Variants in STARD8 observed in about 807,000 individuals in gnomAD.
STARD8 encodes the protein stAR-related lipid transfer protein 8.
A neutral mutation model predicts 69.4 loss-of-function variants in STARD8; 25 were observed. The observed-to-expected ratio is 0.36, with a 90% CI of 0.26 to 0.50. The LOEUF (loss-of-function observed/expected upper bound fraction) is 0.50. STARD8 is among the 20% of genes least tolerant of loss of function. The pLI, the probability that STARD8 is intolerant of heterozygous loss-of-function variation, is 0.96. For missense variants in STARD8, 921 were observed against 932.5 expected, an observed-to-expected ratio of 0.99 and a Z score of 0.16; for synonymous variants, 389 against 374.6, an observed-to-expected ratio of 1.04 and a Z score of -0.45.
chrX:68,683,552 G>A (rs2079812871), intron 2 of STARD8, among the ~76,000 whole-genome samples: 1 of 112,036 alleles, frequency 8.9e-6, no homozygotes, highest in Non-Finnish European at 1.9e-5. Flanking sequence ...GAAGGTATTA[G>A]ACCGGTATGT....
chrX:68,723,055 C>T (rs2080165591), intron 12 of STARD8, among the ~76,000 whole-genome samples: 1 of 112,538 alleles, frequency 8.9e-6, no homozygotes, highest in South Asian at 3.7e-4. Flanking sequence ...TGTGTTCCTC[C>T]TCCATTCAGA....
intron 1 of STARD8, among the ~76,000 whole-genome samples, chrX:68,652,305 G>T (rs2079553096): frequency 9.0e-6 from 1 of 110,943 alleles, no homozygotes; most frequent in African/African-American, 3.3e-5. Flanking sequence ...AGGGTCTCAG[G>T]TCCAGTCTGC....
Position 68,719,218 on chromosome X carries a change from C to A in STARD8, c.1716-7C>A. ...GCTTCTCCACCCCTCTCACCGCCCC[C>A]CACCAGGAAGCTCCGTTGGCATAGC... is the stretch of plus-strand genomic sequence containing the variant. On this transcript the variant is annotated splice_region_variant and splice_polypyrimidine_tract_variant and intron_variant, in intron 6 of 14. Coordinates refer to ENST00000374599, the MANE Select transcript of STARD8 (RefSeq NM_001142503.3). 1 of 1,174,700 alleles carries A rather than the reference C, an allele frequency of 8.5e-7. No homozygotes were observed. The highest frequency in any genetic ancestry group is 1.1e-6 in the Non-Finnish European group (1 of 875,761).
intron 2 of STARD8, among the ~76,000 whole-genome samples, chrX:68,668,140 T>TC (rs2079700725): frequency 9.7e-6 from 1 of 103,524 alleles, no homozygotes; most frequent in East Asian, 3.1e-4. Flanking sequence ...TTTCTCTTTC[T>TC]TTTCTTTCTT....
chrX:68,670,253 T>C (rs753794593), intron 2 of STARD8, among the ~76,000 whole-genome samples: 10 of 112,105 alleles, frequency 8.9e-5, no homozygotes, highest in Admixed American at 8.5e-4. Context: ...CTCTGCCCCA[T>C]GGGCCTCAGT....
At chrX:68,720,752 CCTT>C (rs2080140763) in intron 8 of STARD8, among the ~76,000 whole-genome samples, 169 bp from the exon 9 acceptor site, 1 of 112,001 alleles carries the variant, frequency 8.9e-6, no homozygotes, top group Non-Finnish European at 1.9e-5. Flanking sequence ...CTGTAAAAAT[CCTT>C]CTCTTTGGTT....
chrX:68,723,686 G>C lies in STARD8; in HGVS notation c.2860G>C (p.Ala954Pro), dbSNP rs1182130649. 7 of 1,198,475 alleles carry C rather than the reference G, an allele frequency of 5.8e-6. No homozygotes were observed. Among genetic ancestry groups the C allele is most frequent in the African/African-American group, 1.7e-5 (1 of 57,630 alleles). The change falls in exon 13 of 15, where the codon GCT (alanine) becomes CCT (proline). Residue 954 changes from alanine (A) to proline (P), a missense_variant. Physicochemically the swap from Ala to Pro is conservative, Grantham distance 27 (BLOSUM62 -1). Transcript: ENST00000374599. Reference protein sequence around the residue: ...KASTEVAAPPAVVLHRVLRER... With the variant: ...KASTEVAAPPPVVLHRVLRER... The stretch of plus-strand genomic sequence containing the variant: ...ATCCACAGAGGTGGCAGCCCCCCCA[G>C]CTGTGGTGCTGCATCGTGTTCTCCG...
intron 2 of STARD8, among the ~76,000 whole-genome samples, chrX:68,672,266 C>G (rs771249912): frequency 6.3e-5 from 7 of 111,686 alleles, no homozygotes; most frequent in Non-Finnish European, 1.1e-4. Flanking sequence ...CATTTAGAAT[C>G]TCCCAAAGTC....
At chrX:68,719,734 C>T (rs749113366) in intron 7 of STARD8, among the ~76,000 whole-genome samples, 6 of 112,346 alleles carry the variant, frequency 5.3e-5, no homozygotes, top group East Asian at 5.6e-4. Flanking sequence ...GTTCTGGTCC[C>T]GCTCCATCCT....
In STARD8 at chrX:68,722,751, G is replaced by A. The variant is rs1310847912; in HGVS notation, c.2799+105G>A. On this transcript the variant is annotated intron_variant, in intron 12 of 14. Coordinates refer to ENST00000374599, the MANE Select transcript of STARD8 (RefSeq NM_001142503.3). ...AGGAGCCGGGGAGGAGCTGCCGCCT[G>A]AGTCTCGCTGTGCCTCGGCCTGGTC... 10 of 783,594 alleles carry A rather than the reference G, an allele frequency of 1.3e-5. No individual in the cohort carries two copies. In the East Asian group the frequency reaches 3.4e-4, roughly 27 times the overall value. The allele number at this position is 783,594 out of a possible 1,213,427, so 64.6% of individuals were successfully genotyped here. A position where few individuals can be genotyped will look rare whatever the true frequency, so the allele number is the denominator to read the frequency against.
chrX:68,719,545 G>C (rs2080129437), intron 7 of STARD8, 147 bp downstream of exon 7: 2 of 619,543 alleles, frequency 3.2e-6, no homozygotes, highest in Admixed American at 4.9e-5. Flanking sequence ...GGAGGGGCTT[G>C]GTGAGGCTGG....
intron 1 of STARD8, among the ~76,000 whole-genome samples, chrX:68,665,057 T>A (rs1195232855): frequency 3.6e-5 from 4 of 112,334 alleles, no homozygotes; most frequent in Non-Finnish European, 7.5e-5. Flanking sequence ...GAACTTGGGT[T>A]CTCCAATTCT....
chrX:68,724,765 C>A lies in STARD8; in HGVS notation c.*343C>A. 1 of 177,741 alleles carries A rather than the reference C, an allele frequency of 5.6e-6. No homozygotes were observed. The highest frequency in any genetic ancestry group is 1.3e-4 in the East Asian group (1 of 7,471). 14.6% of individuals were successfully genotyped at this position (177,741 alleles called of 1,213,427 possible). On this transcript the variant is annotated 3_prime_UTR_variant, in exon 15 of 15. Coordinates refer to ENST00000374599, the MANE Select transcript of STARD8 (RefSeq NM_001142503.3). ...CTCCACAGCTCCCCGCCTGCAGGGG[C>A]AAAGAGGTCGACAGCAATGTGTGAT...
chrX:68,716,547 G>C, intron 5 of STARD8, 116 bp downstream of exon 5: 1 of 690,380 alleles, frequency 1.4e-6, no homozygotes, highest in Non-Finnish European at 2.2e-6. Flanking sequence ...GATGTCCAGA[G>C]CAGTGCCTTT....
At position 68,706,566 on chromosome X, in the gene STARD8, A is replaced by G. The variant is rs150911057; in HGVS notation, c.80-6348A>G. On this transcript the variant is annotated intron_variant, in intron 2 of 14. Coordinates refer to ENST00000374599, the MANE Select transcript of STARD8 (RefSeq NM_001142503.3). ...AGGGAGAGAGGTGGCATAGCCAGTC[A>G]GCCACCCATTACAGCACTTCTTCTA... 6.9e-3 allele frequency among the ~76,000 whole-genome samples: 770 copies of G among 112,353 alleles called. 8 individuals carry two copies. Among genetic ancestry groups the G allele is most frequent in the African/African-American group, 0.024 (753 of 30,900 alleles).
At chrX:68,722,234 A>C in intron 11 of STARD8, 73 bp downstream of exon 11, 1 of 961,998 alleles carries the variant, frequency 1.0e-6, no homozygotes, top group Non-Finnish European at 1.4e-6. Flanking sequence ...CGGTGCCCCA[A>C]GTCAGGGATA....
chrX:68,650,626 A>G (rs1014654516), intron 1 of STARD8, among the ~76,000 whole-genome samples: 13 of 109,823 alleles, frequency 1.2e-4, no homozygotes, highest in Non-Finnish European at 2.1e-4. Flanking sequence ...GCATAGTAAG[A>G]CTGTGTCTCT....
At chrX:68,694,365 A>G (rs868402535) in intron 2 of STARD8, among the ~76,000 whole-genome samples, 3 of 112,743 alleles carry the variant, frequency 2.7e-5, no homozygotes, top group East Asian at 2.8e-4. Flanking sequence ...GCGGGGACCA[A>G]GCGAAAACGT....
In STARD8 at chrX:68,722,487, C is replaced by T. The variant is rs755765244; in HGVS notation, c.2640C>T (p.Gly880=). 2.5e-6 allele frequency: 3 copies of T among 1,210,759 alleles called. No homozygotes were observed. The Admixed American group carries it at 6.5e-5, about 26-fold the overall frequency. The change falls in exon 12 of 15, where the codon GGC becomes GGT. Residue 880 remains glycine (G), a synonymous_variant. Coordinates refer to ENST00000374599, the MANE Select transcript of STARD8 (RefSeq NM_001142503.3). Reference sequence around the variant, plus strand: ...GCGCAGCTGAGCTCAGCCCTCCCGGCCCAGCCCTGGCTGAGCTGCGTCAGG... The same window carrying T: ...GCGCAGCTGAGCTCAGCCCTCCCGGTCCAGCCCTGGCTGAGCTGCGTCAGG... ...SYSAAELSPP[G]PALAELRQAQ...
Sources: allele counts gnomAD v4.1 joint callset (sites outside exome capture counted in the v4.1 genomes callset), GRCh38; gene constraint gnomAD v4.1.1; transcripts MANE v1.5; gene names NCBI Gene and HGNC (gene_info 2026-07-23, HGNC 2026-07-21).